The following PRELID2 variants were observed in gnomAD, a reference collection of about 807,000 sequenced individuals.
PRELID2 encodes PRELI domain-containing protein 2.
In PRELID2, 25 loss-of-function variants were observed where a neutral mutation model predicts 28.4. The ratio of observed to expected loss-of-function variants is 0.88; its 90% CI spans 0.64 to 1.23. The LOEUF (loss-of-function observed/expected upper bound fraction) is 1.23. PRELID2 is among the 50% of genes most tolerant of loss of function. PRELID2 has a pLI of 0.00. For missense variants in PRELID2, 201 were observed against 214.4 expected, an observed-to-expected ratio of 0.94 and a Z score of 0.39; for synonymous variants, 76 against 71.6, an observed-to-expected ratio of 1.06 and a Z score of -0.31.
the PRELID2 span, among the ~76,000 whole-genome samples, chr5:145,309,667 A>C: frequency 0.17 from 26,050 of 152,182 alleles, 3,767 homozygotes; most frequent in African/African-American, 0.4. Context: ...TGCTATGTTC[A>C]GTCTTCCTAT....
the PRELID2 span, among the ~76,000 whole-genome samples, chr5:145,352,101 T>C: frequency 1.3e-5 from 2 of 152,302 alleles, no homozygotes; most frequent in East Asian, 1.9e-4. Flanking sequence ...TTTACCACTC[T>C]GGGGTCTGGA....
chr5:145,671,761 T>C (rs556254234), intron 1 of PRELID2, among the ~76,000 whole-genome samples: 1 of 152,320 alleles, frequency 6.6e-6, no homozygotes, highest in South Asian at 2.1e-4. Flanking sequence ...AGAGTTGATA[T>C]GTAAGATATA....
chr5:145,230,868 GGCAGGCC>G, the PRELID2 span, among the ~76,000 whole-genome samples: 1 of 152,152 alleles, frequency 6.6e-6, no homozygotes, highest in Non-Finnish European at 1.5e-5. Flanking sequence ...GGCTGTTGGT[GGCAGGCC>G]GCAGTTTCTT....
chr5:145,607,694 G>A (rs1283245282), intron 1 of PRELID2, among the ~76,000 whole-genome samples: 1 of 152,098 alleles, frequency 6.6e-6, no homozygotes, highest in Non-Finnish European at 1.5e-5. Context: ...TATGCCACAT[G>A]CAGATGGGAA....
intron 1 of PRELID2, among the ~76,000 whole-genome samples, chr5:145,596,099 C>CAAAAAAAAA (rs552746530): frequency 0.015 from 656 of 43,854 alleles, 35 homozygotes; most frequent in African/African-American, 0.041. Context: ...GAGCCTGTCT[C>CAAAAAAAAA]AAAAAAAAAA....
intron 1 of PRELID2, chr5:145,728,538 T>A: frequency 1.3e-6 from 1 of 772,918 alleles, no homozygotes; most frequent in Non-Finnish European, 2.3e-6. Flanking sequence ...CTACTCCACA[T>A]CAGCATCATC....
At chr5:145,520,405 T>A (rs1221226223) in intron 1 of PRELID2, among the ~76,000 whole-genome samples, 1 of 152,156 alleles carries the variant, frequency 6.6e-6, no homozygotes, top group Admixed American at 6.5e-5. Flanking sequence ...CCTCAAAGTA[T>A]CCGTCAGGTC....
Position 145,676,240 on chromosome 5 carries a change from A to C in PRELID2, n.70+88691T>G, listed in dbSNP as rs113847378. ...CATCTCAAAAAAAAAAAAAAAAAAA[A>C]AATAATGTGTCTCATTGTTTGTGTG... On this transcript the variant is annotated intron_variant and non_coding_transcript_variant, in intron 1 of 2. Coordinates refer to the PRELID2 transcript ENST00000510259. 3.7e-3 allele frequency among the ~76,000 whole-genome samples: 540 copies of C among 147,852 alleles called. 8 individuals carry two copies. The highest frequency in any genetic ancestry group is 0.013 in the African/African-American group (509 of 38,698).
chr5:145,756,421 C>T lies in PRELID2; in HGVS notation c.*4115G>A, dbSNP rs1285344933. Among the ~76,000 whole-genome samples, 2 of 152,330 alleles carry T rather than the reference C, an allele frequency of 1.3e-5. No individual in the cohort carries two copies. Among genetic ancestry groups the T allele is most frequent in the Non-Finnish European group, 2.9e-5 (2 of 68,026 alleles). ...AAACAACTAATTTATAGCTCTATAT[C>T]ACAATAACACTGAATCAGAAACACT... On this transcript the variant is annotated 3_prime_UTR_variant, in exon 7 of 7. Coordinates refer to ENST00000683046, the MANE Select transcript of PRELID2 (RefSeq NM_205846.3).
At chr5:145,477,023 A>C (rs886178370) in intron 1 of PRELID2, among the ~76,000 whole-genome samples, 13 of 152,218 alleles carry the variant, frequency 8.5e-5, no homozygotes, top group African/African-American at 3.1e-4. Flanking sequence ...TTTTTCTATA[A>C]TATAATTCTG....
chr5:145,588,462 T>C (rs950600815), intron 1 of PRELID2, among the ~76,000 whole-genome samples: 10 of 152,180 alleles, frequency 6.6e-5, no homozygotes, highest in Non-Finnish European at 1.3e-4. Flanking sequence ...CGTACTTAAG[T>C]ATGAATGAAT....
At chr5:145,233,499 A>T in the PRELID2 span, among the ~76,000 whole-genome samples, 1 of 152,170 alleles carries the variant, frequency 6.6e-6, no homozygotes, top group East Asian at 1.9e-4. Flanking sequence ...GGCAGTCACC[A>T]CAACCCTGTT....
At chr5:145,713,678 TATATAC>T (rs1755766964) in intron 1 of PRELID2, among the ~76,000 whole-genome samples, 1 of 97,586 alleles carries the variant, frequency 1.0e-5, no homozygotes, top group Non-Finnish European at 2.0e-5. Context: ...TGTGTATATA[TATATAC>T]ACACACTATA....
intron 4 of PRELID2, among the ~76,000 whole-genome samples, chr5:145,802,434 G>T (rs780235925): frequency 4.6e-5 from 7 of 152,078 alleles, no homozygotes; most frequent in Non-Finnish European, 7.4e-5. Flanking sequence ...AAAGACTAGC[G>T]CACGGTAGGA....
At chr5:145,319,330 C>T in the PRELID2 span, among the ~76,000 whole-genome samples, 2 of 152,072 alleles carry the variant, frequency 1.3e-5, no homozygotes, top group African/African-American at 4.8e-5. Flanking sequence ...CCCTCCTATT[C>T]CCGAATCTTG....
chr5:145,653,006 A>T (rs187868808), intron 1 of PRELID2, among the ~76,000 whole-genome samples: 31 of 152,342 alleles, frequency 2.0e-4, no homozygotes, highest in African/African-American at 7.0e-4. Context: ...CAGGAGACCC[A>T]TCTCACATGC....
the PRELID2 span, among the ~76,000 whole-genome samples, chr5:145,302,879 C>G: frequency 1.3e-5 from 2 of 152,242 alleles, no homozygotes; most frequent in Admixed American, 1.3e-4. Context: ...TTCAAGCTGA[C>G]CACTAGCTTG....
the PRELID2 span, among the ~76,000 whole-genome samples, chr5:145,450,464 G>A: frequency 2.0e-5 from 3 of 152,010 alleles, no homozygotes; most frequent in Admixed American, 6.6e-5. Context: ...CTGGGCAGCC[G>A]GTCAGTGACT....
intron 1 of PRELID2, among the ~76,000 whole-genome samples, chr5:145,606,810 C>T (rs10066886): frequency 0.23 from 35,466 of 152,006 alleles, 8,065 homozygotes; most frequent in African/African-American, 0.59. Flanking sequence ...CCTTCTCAAC[C>T]CTTTTGGAAT....
Sources: allele counts gnomAD v4.1 joint callset (sites outside exome capture counted in the v4.1 genomes callset), GRCh38; gene constraint gnomAD v4.1.1; transcripts MANE v1.5; gene names NCBI Gene and HGNC (gene_info 2026-07-23, HGNC 2026-07-21).